SIN3A: variants seen among roughly 807,000 people sequenced by gnomAD.
SIN3A encodes the protein paired amphipathic helix protein Sin3a.
SIN3A carries 14 observed loss-of-function variants against 146.1 expected under a neutral mutation model. The observed-to-expected ratio is 0.10, with a 90% CI of 0.06 to 0.15. The LOEUF (loss-of-function observed/expected upper bound fraction) is 0.15. SIN3A is among the 10% of genes least tolerant of loss of function. SIN3A has a pLI of 1.00. For synonymous variants in SIN3A, 572 were observed against 572.0 expected, an observed-to-expected ratio of 1.00 and a Z score of 0.00; for missense variants, 1,028 against 1,576.0, an observed-to-expected ratio of 0.65 and a Z score of 5.89.
At chr15:75,426,206 C>CT (rs1205614645) in intron 2 of SIN3A, among the ~76,000 whole-genome samples, 7 of 152,084 alleles carry the variant, frequency 4.6e-5, no homozygotes, top group African/African-American at 1.4e-4. Context: ...AAACAAGCAA[C>CT]TTTTTTTTCT....
intron 6 of SIN3A, among the ~76,000 whole-genome samples, chr15:75,410,523 CTT>C (rs2073614033): frequency 1.3e-5 from 2 of 151,876 alleles, no homozygotes; most frequent in Non-Finnish European, 2.9e-5. Context: ...GAGTTTCACT[CTT>C]GTTGCTCAGG....
Position 75,370,122 on chromosome 15 carries a change from C to CAGCT in SIN3A, c.*1853_*1856dup, listed in dbSNP as rs1192607928. The CAGCT allele has an allele frequency of 6.6e-6, 1 of 152,526 alleles. No homozygotes were observed. Among genetic ancestry groups the CAGCT allele is most frequent in the Non-Finnish European group, 1.5e-5 (1 of 68,158 alleles). 9.4% of individuals were successfully genotyped at this position (152,526 alleles called of 1,614,324 possible). A position where few individuals can be genotyped will look rare whatever the true frequency, so the allele number is the denominator to read the frequency against. On this transcript the variant is annotated 3_prime_UTR_variant, in exon 21 of 21. Coordinates refer to ENST00000394947, the MANE Select transcript of SIN3A (RefSeq NM_001145358.2). ...AAAATTAGCTGGGCGTGGTGGCATG[C>CAGCT]AGCTACTCAGGAGGCCGAGGTGGGA...
chr15:75,452,317 C>A (rs2074424428), upstream of SIN3A, among the ~76,000 whole-genome samples: 1 of 152,174 alleles, frequency 6.6e-6, no homozygotes, highest in African/African-American at 2.4e-5. Flanking sequence ...AATGTTTACA[C>A]TAGAGACTGA....
Position 75,369,508 on chromosome 15 carries a change from AT to A in SIN3A, c.*2470del, listed in dbSNP as rs1428078022. 3.3e-5 allele frequency: 5 copies of A among 152,240 alleles called. No individual in the cohort carries two copies. The highest frequency in any genetic ancestry group is 7.3e-5 in the Non-Finnish European group (5 of 68,044). The allele number at this position is 152,240 out of a possible 1,614,324, so 9.4% of individuals were successfully genotyped here. On this transcript the variant is annotated 3_prime_UTR_variant, in exon 21 of 21. Coordinates refer to ENST00000394947, the MANE Select transcript of SIN3A (RefSeq NM_001145358.2). ...CAAAGATAACCTGCTGCTGCATATA[AT>A]ACAGGTTGGGTTTAGAGCTTGGAGC...
At position 75,406,991 on chromosome 15, in the gene SIN3A, G is replaced by A. The variant is rs1048691748; in HGVS notation, c.1407+64C>T. On this transcript the variant is annotated intron_variant, in intron 9 of 20. Coordinates refer to ENST00000394947, the MANE Select transcript of SIN3A (RefSeq NM_001145358.2). ...CACCTTTAAAACGAAACCTTCCAGGGGGATAAGATGATTTTCTTTTGGCAT... is the reference window on the plus strand; with the variant it reads ...CACCTTTAAAACGAAACCTTCCAGGAGGATAAGATGATTTTCTTTTGGCAT... 4.3e-6 allele frequency: 5 copies of A among 1,175,134 alleles called. No homozygotes were observed. In the African/African-American group the frequency reaches 7.6e-5, roughly 18 times the overall value. The allele number at this position is 1,175,134 out of a possible 1,614,324, so 72.8% of individuals were successfully genotyped here. A position where few individuals can be genotyped will look rare whatever the true frequency, so the allele number is the denominator to read the frequency against.
At chr15:75,404,384 T>G (rs1038301473) in intron 9 of SIN3A, among the ~76,000 whole-genome samples, 1 of 152,232 alleles carries the variant, frequency 6.6e-6, no homozygotes, top group African/African-American at 2.4e-5. Context: ...CTATACTTAC[T>G]TCTCCTACCA....
intron 3 of SIN3A, chr15:75,422,032 G>C (rs2073848489): frequency 6.6e-6 from 1 of 152,630 alleles, no homozygotes; most frequent in Admixed American, 6.5e-5. Context: ...ACTTGATGAT[G>C]TGAGTCAATT....
At chr15:75,450,016 G>C (rs559084751) in intron 1 of SIN3A, among the ~76,000 whole-genome samples, 16 of 152,206 alleles carry the variant, frequency 1.1e-4, no homozygotes, top group Admixed American at 1.0e-3. Context: ...CTGACCTCAA[G>C]TGATCCACCT....
At chr15:75,384,013 G>C in intron 17 of SIN3A, 1 of 228,126 alleles carries the variant, frequency 4.4e-6, no homozygotes, top group Non-Finnish European at 8.4e-6. Context: ...AAAATGTTCA[G>C]AGAAAAAGAA....
chr15:75,411,397 T>A, intron 6 of SIN3A, 95 bp downstream of exon 6: 1 of 1,261,292 alleles, frequency 7.9e-7, no homozygotes, highest in Admixed American at 2.3e-5. Flanking sequence ...TAATTTCCAG[T>A]ATGAATTAAT....
At chr15:75,433,734 G>A (rs972994062) in intron 1 of SIN3A, among the ~76,000 whole-genome samples, 3 of 151,942 alleles carry the variant, frequency 2.0e-5, no homozygotes, top group South Asian at 2.1e-4. Flanking sequence ...GGCGTGGACC[G>A]GGAGGCAGAG....
intron 3 of SIN3A, among the ~76,000 whole-genome samples, chr15:75,417,195 G>A (rs1014865928): frequency 1.3e-5 from 2 of 152,132 alleles, no homozygotes; most frequent in East Asian, 1.9e-4. Context: ...GCTAAGCTAT[G>A]AGTCTGATTT....
At position 75,401,991 on chromosome 15, in the gene SIN3A, A is replaced by G. The variant is rs767330345; in HGVS notation, c.1408-21T>C. 8.0e-6 allele frequency: 12 copies of G among 1,496,410 alleles called. 1 individual carries two copies. The South Asian group carries it at 1.4e-4, about 17-fold the overall frequency. 92.7% of individuals were successfully genotyped at this position (1,496,410 alleles called of 1,614,324 possible). On this transcript the variant is annotated intron_variant, in intron 9 of 20. Coordinates refer to ENST00000394947, the MANE Select transcript of SIN3A (RefSeq NM_001145358.2). ...CGGACCTTATGGAGACAACGGGAAGAAAAACAGTTTTTGTTTTTCTTAAAG... is the reference window on the plus strand; with the variant it reads ...CGGACCTTATGGAGACAACGGGAAGGAAAACAGTTTTTGTTTTTCTTAAAG...
At chr15:75,444,306 T>C (rs984711067) in intron 1 of SIN3A, among the ~76,000 whole-genome samples, 1 of 152,052 alleles carries the variant, frequency 6.6e-6, no homozygotes, top group Non-Finnish European at 1.5e-5. Context: ...CTGGGTATGG[T>C]GGTACACACC....
At chr15:75,400,590 T>C (rs1388120014) in intron 11 of SIN3A, 140 bp downstream of exon 11, 4 of 725,212 alleles carry the variant, frequency 5.5e-6, no homozygotes, top group Middle Eastern at 4.0e-4. Flanking sequence ...AACAAAAAAG[T>C]AGAAAACATT....
chr15:75,369,539 A>G lies in SIN3A; in HGVS notation c.*2440T>C, dbSNP rs1231314252. The G allele has an allele frequency of 6.6e-6, 1 of 152,232 alleles. No homozygotes were observed. The highest frequency in any genetic ancestry group is 1.5e-5 in the Non-Finnish European group (1 of 68,034). The allele number at this position is 152,232 out of a possible 1,614,324, so 9.4% of individuals were successfully genotyped here. On this transcript the variant is annotated 3_prime_UTR_variant, in exon 21 of 21. Transcript: ENST00000394947. ...GTTGGGTTTAGAGCTTGGAGCTCAG[A>G]TGTCAGACAGCAGGAGGAATAAAAA...
At chr15:75,445,961 T>C (rs2074299858) in intron 1 of SIN3A, among the ~76,000 whole-genome samples, 2 of 152,186 alleles carry the variant, frequency 1.3e-5, no homozygotes, top group African/African-American at 4.8e-5. Flanking sequence ...CTCAGCATAC[T>C]GCTTTGTCTT....
At chr15:75,454,643 G>C (rs1330026361), upstream of SIN3A, among the ~76,000 whole-genome samples, 1 of 151,670 alleles carries the variant, frequency 6.6e-6, no homozygotes, top group East Asian at 1.9e-4. Context: ...GACCTTCACT[G>C]CCCCTTTCAG....
At chr15:75,447,022 C>A (rs567929392) in intron 1 of SIN3A, among the ~76,000 whole-genome samples, 43 of 152,318 alleles carry the variant, frequency 2.8e-4, no homozygotes, top group African/African-American at 9.4e-4. Flanking sequence ...CTGCCTCAGC[C>A]TCCCAAAGTG....
Sources: gnomAD v4.1 joint callset for allele counts (sites outside exome capture counted in the v4.1 genomes callset) on GRCh38, gnomAD v4.1.1 for gene constraint, MANE v1.5 for transcripts, NCBI Gene and HGNC (gene_info 2026-07-23, HGNC 2026-07-21) for gene names.